The following METTL15 variants were observed in gnomAD, a reference collection of about 807,000 sequenced individuals.
METTL15 encodes the protein methyltransferase 15, mitochondrial 12S rRNA N4-cytidine, also known as 12S rRNA N(4)-cytidine methyltransferase METTL15.
In METTL15, 34 loss-of-function variants were observed where a neutral mutation model predicts 38.3. The observed-to-expected ratio is 0.89, with a 90% CI of 0.68 to 1.18. The LOEUF (loss-of-function observed/expected upper bound fraction) is 1.18, where lower values mean the gene tolerates loss of function less well. Ranked by LOEUF, METTL15 falls within the 50% of genes most tolerant of loss-of-function variation. The pLI, the probability that METTL15 is intolerant of heterozygous loss-of-function variation, is 0.00. For missense variants in METTL15, 438 were observed against 498.4 expected, an observed-to-expected ratio of 0.88 and a Z score of 1.15; for synonymous variants, 162 against 170.9, an observed-to-expected ratio of 0.95 and a Z score of 0.41.
intron 6 of METTL15, among the ~76,000 whole-genome samples, chr11:28,458,287 T>A (rs1449578325): frequency 6.6e-6 from 1 of 152,228 alleles, no homozygotes; most frequent in African/African-American, 2.4e-5. Context: ...CTATTCTTTT[T>A]TCTTCCACAT....
intron 5 of METTL15, among the ~76,000 whole-genome samples, chr11:28,388,356 T>C (rs992963106): frequency 2.6e-5 from 4 of 152,086 alleles, no homozygotes; most frequent in African/African-American, 9.7e-5. Flanking sequence ...AATCAATGGA[T>C]TCAAGAAAGT....
chr11:28,374,249 C>T, intron 5 of METTL15, among the ~76,000 whole-genome samples: 1 of 151,962 alleles, frequency 6.6e-6, no homozygotes, highest in East Asian at 1.9e-4. Flanking sequence ...TGTAAATTAC[C>T]TTGGGCAGTA....
chr11:28,312,762 A>G (rs928427933), intron 6 of METTL15, among the ~76,000 whole-genome samples: 1 of 152,184 alleles, frequency 6.6e-6, no homozygotes, highest in Non-Finnish European at 1.5e-5. Context: ...AAGAGCATGC[A>G]TGCAGGAGAG....
intron 6 of METTL15, among the ~76,000 whole-genome samples, chr11:28,430,055 T>C (rs1850903074): frequency 6.9e-6 from 1 of 145,076 alleles, no homozygotes; most frequent in African/African-American, 2.6e-5. Context: ...CGAGACCCCA[T>C]CTGGGAGGTG....
intron 4 of METTL15, among the ~76,000 whole-genome samples, chr11:28,360,936 A>G (rs1258077519): frequency 4.0e-5 from 6 of 150,982 alleles, no homozygotes; most frequent in African/African-American, 1.5e-4. Flanking sequence ...GCGATAGTTT[A>G]CTGAGAATGA....
intron 5 of METTL15, among the ~76,000 whole-genome samples, chr11:28,392,436 T>C (rs2133395084): frequency 6.6e-6 from 1 of 152,104 alleles, no homozygotes; most frequent in South Asian, 2.1e-4. Flanking sequence ...GACCCTTTGG[T>C]ATATGGTCAA....
At chr11:28,430,325 GA>G (rs1376057335) in intron 6 of METTL15, among the ~76,000 whole-genome samples, 1 of 102,160 alleles carries the variant, frequency 9.8e-6, no homozygotes, top group African/African-American at 3.3e-5. Flanking sequence ...GGAGGGAGGT[GA>G]GGGGGTCAGC....
chr11:28,140,357 C>A (rs762928950), intron 3 of METTL15, among the ~76,000 whole-genome samples: 4 of 152,106 alleles, frequency 2.6e-5, no homozygotes, highest in Non-Finnish European at 4.4e-5. Context: ...CTGACATTCC[C>A]AACCCTTGAG....
At chr11:28,113,743 T>C (rs572541764) in intron 3 of METTL15, 139 bp downstream of exon 3, 305 of 843,182 alleles carry the variant, frequency 3.6e-4, no homozygotes, top group Non-Finnish European at 5.3e-4. Context: ...GATGCGAAAG[T>C]GATACACATT....
chr11:28,230,859 A>T (rs1853657311), intron 4 of METTL15, among the ~76,000 whole-genome samples: 1 of 151,872 alleles, frequency 6.6e-6, no homozygotes, highest in African/African-American at 2.4e-5. Flanking sequence ...TGTACATTTT[A>T]GTGCCTGCTG....
At chr11:28,369,029 CATT>C (rs547491022) in intron 5 of METTL15, among the ~76,000 whole-genome samples, 521 of 152,144 alleles carry the variant, frequency 3.4e-3, no homozygotes, top group East Asian at 5.8e-3. Context: ...GGAGGGATAA[CATT>C]AGGAGAAATA....
chr11:28,233,819 T>C (rs1853801442), intron 4 of METTL15, among the ~76,000 whole-genome samples: 1 of 151,972 alleles, frequency 6.6e-6, no homozygotes, highest in African/African-American at 2.4e-5. Context: ...TTATTATTAT[T>C]ATACTTTAAG....
In METTL15 at chr11:28,381,131, T is replaced by C. The variant is rs768886967; in HGVS notation, c.*358+19095T>C. On this transcript the variant is annotated intron_variant and NMD_transcript_variant, in intron 5 of 7. Coordinates refer to the METTL15 transcript ENST00000532947. ...GATCCTCCTTCCTCAGCCTCCCAAG[T>C]AGCTGTGACTACAGGCATGTGCTTG... Among the ~76,000 whole-genome samples, 7 of 152,258 alleles carry C rather than the reference T, an allele frequency of 4.6e-5. No individual in the cohort carries two copies. The South Asian group carries it at 1.2e-3, about 27-fold the overall frequency.
intron 3 of METTL15, among the ~76,000 whole-genome samples, chr11:28,196,450 C>G (rs192592354): frequency 6.6e-6 from 1 of 151,662 alleles, no homozygotes; most frequent in Non-Finnish European, 1.5e-5. Flanking sequence ...TCTTTGTTTT[C>G]GTTTTTTTTG....
chr11:28,498,695 G>C lies in METTL15; in HGVS notation c.*425-27783G>C, dbSNP rs563215956. ...TACTTCCCACTGTACTTTGATTAAAGGCAATAGTTCCTGGACTAATGTCTA... is the reference window on the plus strand; with the variant it reads ...TACTTCCCACTGTACTTTGATTAAACGCAATAGTTCCTGGACTAATGTCTA... On this transcript the variant is annotated intron_variant and NMD_transcript_variant, in intron 6 of 7. Transcript: ENST00000532947. Among the ~76,000 whole-genome samples the C allele has an allele frequency of 2.0e-5, 3 of 152,242 alleles. No individual in the cohort carries two copies. In the South Asian group the frequency reaches 6.2e-4, roughly 32 times the overall value.
At chr11:28,242,496 A>G (rs2133907356) in intron 4 of METTL15, among the ~76,000 whole-genome samples, 1 of 152,328 alleles carries the variant, frequency 6.6e-6, no homozygotes, top group East Asian at 1.9e-4. Flanking sequence ...TAGAATATAA[A>G]AATGCTCATT....
intron 5 of METTL15, among the ~76,000 whole-genome samples, chr11:28,369,660 G>T (rs1182300483): frequency 6.6e-6 from 1 of 152,098 alleles, no homozygotes; most frequent in Non-Finnish European, 1.5e-5. Context: ...AAAACAACCT[G>T]CCACACAAGA....
chr11:28,284,959 C>T (rs944194909), intron 4 of METTL15, among the ~76,000 whole-genome samples: 3 of 152,116 alleles, frequency 2.0e-5, no homozygotes, highest in African/African-American at 7.2e-5. Flanking sequence ...AAGGGCAGGA[C>T]CAGGTGAAGG....
intron 6 of METTL15, among the ~76,000 whole-genome samples, chr11:28,490,386 C>G (rs1160815438): frequency 6.6e-6 from 1 of 152,098 alleles, no homozygotes; most frequent in African/African-American, 2.4e-5. Flanking sequence ...AAATCTATCT[C>G]TTAATAATGC....
Sources: gnomAD v4.1 joint callset for allele counts (sites outside exome capture counted in the v4.1 genomes callset) on GRCh38, gnomAD v4.1.1 for gene constraint, MANE v1.5 for transcripts, NCBI Gene and HGNC (gene_info 2026-07-23, HGNC 2026-07-21) for gene names.